The following SI variants were observed in gnomAD, a reference collection of about 807,000 sequenced individuals.
SI encodes the protein sucrase-isomaltase, intestinal.
A neutral mutation model predicts 253.3 loss-of-function variants in SI; 235 were observed. The observed-to-expected ratio is 0.93, with a 90% CI of 0.83 to 1.03. The LOEUF is 1.03. Ranked by LOEUF, SI falls within the 50% of genes least tolerant of loss-of-function variation. The pLI is 0.00. For missense variants in SI, 2,442 were observed against 2,211.1 expected (o/e 1.10, Z -2.09); for synonymous variants, 819 against 712.0 (o/e 1.15, Z -2.39).
chr3:164,995,775 AT>A, intron 40 of SI, among the ~76,000 whole-genome samples: 1 of 151,840 alleles, frequency 6.6e-6, no homozygotes, highest in Non-Finnish European at 1.5e-5. Context: ...AGTTTAATCT[AT>A]TTTCCCTTAT....
Position 165,007,986 on chromosome 3 carries a change from G to T in SI, c.4192C>A (p.Pro1398Thr). 1 of 1,558,530 alleles carries T rather than the reference G, an allele frequency of 6.4e-7. No individual in the cohort carries two copies. Among genetic ancestry groups the T allele is most frequent in the Non-Finnish European group, 8.8e-7 (1 of 1,131,274 alleles). Residue 1398 changes from proline (P) to threonine (T), a missense_variant, in exon 36 of 48, where the codon CCA becomes ACA. Pro to Thr is a conservative substitution (Grantham distance 38). Coordinates refer to ENST00000264382, the MANE Select transcript of SI (RefSeq NM_001041.4). ...FDGLWIDMNE[P>T]SSFVNGTTTN... ...GTTGTTCCATTTACAAAACTTGATG[G>T]CTCATTCATATCCTTAAAAAAAGAT...
In SI at chr3:165,030,770, G is replaced by T. The variant is rs1712186330; in HGVS notation, c.2834C>A (p.Pro945Gln). ...TTGTTCAGTTGCCAAATCTGCATCT[G>T]GATAACAATTAAATCTTTCATTTTC... ...FSENERFNCYPDADLATEQKC... is the reference protein window; with the variant it reads ...FSENERFNCYQDADLATEQKC... The change falls in exon 25 of 48, where the codon CCA (proline) becomes CAA (glutamine). Residue 945 changes from proline to glutamine, a missense_variant. Physicochemically the swap from Pro to Gln is moderately conservative, Grantham distance 76. Coordinates refer to ENST00000264382, the MANE Select transcript of SI (RefSeq NM_001041.4). 3 of 1,607,724 alleles carry T rather than the reference G, an allele frequency of 1.9e-6. No individual in the cohort carries two copies. The highest frequency in any genetic ancestry group is 2.5e-6 in the Non-Finnish European group (3 of 1,176,550).
At chr3:165,008,746 G>A (rs774729147) in intron 35 of SI, among the ~76,000 whole-genome samples, 2 of 151,550 alleles carry the variant, frequency 1.3e-5, no homozygotes, top group Non-Finnish European at 2.9e-5. Context: ...AATCAACAAA[G>A]TAAAAAATTT....
At chr3:165,033,518 C>G (rs567751802) in intron 22 of SI, 74 bp from the exon 23 acceptor site, 4 of 1,298,074 alleles carry the variant, frequency 3.1e-6, no homozygotes, top group Non-Finnish European at 4.0e-6. Flanking sequence ...ACTTATACAA[C>G]ACTTAAGAAA....
intron 12 of SI, among the ~76,000 whole-genome samples, chr3:165,057,239 C>G (rs1476370098): frequency 6.6e-6 from 1 of 151,192 alleles, no homozygotes; most frequent in Non-Finnish European, 1.5e-5. Flanking sequence ...ATTGATCAAG[C>G]AGAAGAAAGA....
chr3:165,080,982 C>T (rs922415279), upstream of SI, among the ~76,000 whole-genome samples: 4 of 151,800 alleles, frequency 2.6e-5, no homozygotes, highest in South Asian at 2.1e-4. Flanking sequence ...TATTTCGTAT[C>T]GTTATCTCCC....
At chr3:165,043,762 G>T (rs1712975074) in intron 16 of SI, among the ~76,000 whole-genome samples, 1 of 151,948 alleles carries the variant, frequency 6.6e-6, no homozygotes, top group South Asian at 2.1e-4. Flanking sequence ...AAGTATATAT[G>T]TATCTATAAA....
intron 20 of SI, among the ~76,000 whole-genome samples, chr3:165,038,582 G>A (rs1712661123): frequency 6.6e-6 from 1 of 150,452 alleles, no homozygotes; most frequent in Non-Finnish European, 1.5e-5. Context: ...AATAAATATT[G>A]CTCAAAAGGT....
intron 28 of SI, among the ~76,000 whole-genome samples, chr3:165,018,677 T>C (rs1489705928): frequency 6.6e-6 from 1 of 151,368 alleles, no homozygotes; most frequent in African/African-American, 2.4e-5. Context: ...ATAGATTTTA[T>C]AGTAATTTAT....
chr3:165,052,150 T>A (rs927491463), intron 13 of SI, among the ~76,000 whole-genome samples: 2 of 152,140 alleles, frequency 1.3e-5, no homozygotes, highest in Admixed American at 1.3e-4. Flanking sequence ...TTTAAAAGAA[T>A]TTATCTATTG....
chr3:165,016,769 T>C (rs1229208591), intron 31 of SI, among the ~76,000 whole-genome samples: 2 of 152,082 alleles, frequency 1.3e-5, no homozygotes, highest in Non-Finnish European at 2.9e-5. Flanking sequence ...TCTTCTTCTA[T>C]GTGTTATAGA....
chr3:165,034,157 A>T (rs1712401380), intron 22 of SI, among the ~76,000 whole-genome samples: 1 of 151,898 alleles, frequency 6.6e-6, no homozygotes, highest in Non-Finnish European at 1.5e-5. Context: ...TATTATATTC[A>T]GAACCTGAAC....
chr3:164,979,834 T>TG (rs1717096089), intron 47 of SI, among the ~76,000 whole-genome samples: 1 of 151,860 alleles, frequency 6.6e-6, no homozygotes, highest in Non-Finnish European at 1.5e-5. Context: ...GATTTAAAAG[T>TG]GTTATTTTAA....
At chr3:164,991,232 T>A in intron 44 of SI, 121 bp downstream of exon 44, 4 of 1,059,434 alleles carry the variant, frequency 3.8e-6, no homozygotes, top group South Asian at 1.3e-5. Context: ...TTCATGTTAC[T>A]GAGGCAGGCT....
intron 25 of SI, among the ~76,000 whole-genome samples, chr3:165,025,036 A>T (rs1418862573): frequency 6.6e-6 from 1 of 151,186 alleles, no homozygotes; most frequent in Non-Finnish European, 1.5e-5. Flanking sequence ...TCCAGGACCC[A>T]GCATGTTATT....
intron 3 of SI, 82 bp downstream of exon 3, chr3:165,074,449 A>G: frequency 1.2e-6 from 1 of 838,844 alleles, no homozygotes. Flanking sequence ...TTTATTAAAT[A>G]AGATCGATCC....
chr3:165,065,343 C>G lies in SI; in HGVS notation c.725G>C (p.Gly242Ala). 6.2e-7 allele frequency: 1 copy of G among 1,600,722 alleles called. No homozygotes were observed. The highest frequency in any genetic ancestry group is 8.6e-7 in the Non-Finnish European group (1 of 1,169,582). ...RLPSDYIYGI[G>A]EQVHKRFRHD... is the part of the protein sequence containing the mutation. ...ACGAAATCTCTTATGAACTTGTTCT[C>G]CAATACCATAAATATAATCACTTGG... The change falls in exon 7 of 48, where the codon GGA becomes GCA. Residue 242 changes from glycine to alanine, a missense_variant. Gly to Ala is a moderately conservative substitution (Grantham distance 60, BLOSUM62 0). Coordinates refer to ENST00000264382, the MANE Select transcript of SI (RefSeq NM_001041.4).
intron 21 of SI, among the ~76,000 whole-genome samples, chr3:165,037,235 C>G (rs1035477858): frequency 8.6e-5 from 13 of 151,796 alleles, no homozygotes; most frequent in African/African-American, 2.9e-4. Context: ...TTCAGATATT[C>G]TTAATGTTAT....
chr3:164,992,034 T>C, intron 43 of SI, 143 bp downstream of exon 43: 1 of 742,360 alleles, frequency 1.3e-6, no homozygotes. Flanking sequence ...TTAATTCAAT[T>C]CAGCTATAAT....
Sources: allele counts gnomAD v4.1 joint callset (sites outside exome capture counted in the v4.1 genomes callset), GRCh38; gene constraint gnomAD v4.1.1; transcripts MANE v1.5; gene names NCBI Gene and HGNC (gene_info 2026-07-23, HGNC 2026-07-21).